DAB1: variants seen among roughly 807,000 people sequenced by gnomAD.
DAB1 encodes disabled homolog 1.
DAB1 carries 15 observed loss-of-function variants against 64.6 expected under a neutral mutation model. The observed-to-expected ratio is 0.23, with a 90% CI of 0.16 to 0.36. DAB1 has a LOEUF of 0.36. Ranked by LOEUF, DAB1 falls within the 10% of genes least tolerant of loss-of-function variation. The pLI is 1.00. For missense variants in DAB1, 596 were observed against 706.7 expected (o/e 0.84, Z 1.78); for synonymous variants, 235 against 251.9 (o/e 0.93, Z 0.64).
intron 4 of DAB1, among the ~76,000 whole-genome samples, chr1:57,121,699 A>T (rs1656683309): frequency 6.6e-6 from 1 of 152,010 alleles, no homozygotes; most frequent in South Asian, 2.1e-4. Flanking sequence ...TGGATTTTAC[A>T]TTTAAGTCTT....
upstream of DAB1, among the ~76,000 whole-genome samples, chr1:57,886,490 C>A (rs1342737869): frequency 2.0e-5 from 3 of 152,168 alleles, no homozygotes; most frequent in Admixed American, 6.5e-5. Context: ...ATCATCATAC[C>A]ACCAGCAGTT....
intron 7 of DAB1, among the ~76,000 whole-genome samples, chr1:57,448,662 G>A (rs1686238316): frequency 6.6e-6 from 1 of 152,110 alleles, no homozygotes; most frequent in South Asian, 2.1e-4. Flanking sequence ...AAGAAGTGGA[G>A]TAGGTCTATT....
chr1:57,768,694 G>A (rs1174584927), intron 6 of DAB1, among the ~76,000 whole-genome samples: 1 of 151,650 alleles, frequency 6.6e-6, no homozygotes, highest in Non-Finnish European at 1.5e-5. Flanking sequence ...ATTTTTTAAA[G>A]TTGCATATTG....
At chr1:57,997,263 A>C (rs1646439913) in intron 5 of DAB1, among the ~76,000 whole-genome samples, 1 of 152,166 alleles carries the variant, frequency 6.6e-6, no homozygotes, top group African/African-American at 2.4e-5. Flanking sequence ...GCACATGTAC[A>C]ATTTAAGTAA....
intron 4 of DAB1, among the ~76,000 whole-genome samples, chr1:58,327,818 G>A (rs149670889): frequency 2.6e-5 from 4 of 152,236 alleles, no homozygotes; most frequent in African/African-American, 9.6e-5. Context: ...AATTAGCCGG[G>A]CATGGTCACA....
At chr1:58,105,149 G>A (rs1011323599) in intron 5 of DAB1, among the ~76,000 whole-genome samples, 3 of 152,228 alleles carry the variant, frequency 2.0e-5, no homozygotes, top group African/African-American at 7.2e-5. Flanking sequence ...ATCAAGCCCT[G>A]CAAAAGATGG....
At chr1:57,508,124 C>A (rs1463789307) in intron 7 of DAB1, among the ~76,000 whole-genome samples, 1 of 152,212 alleles carries the variant, frequency 6.6e-6, no homozygotes, top group African/African-American at 2.4e-5. Context: ...TTACTGCCCT[C>A]CTCACATCCC....
At chr1:57,240,902 C>T (rs1397692344) in intron 2 of DAB1, among the ~76,000 whole-genome samples, 2 of 152,052 alleles carry the variant, frequency 1.3e-5, no homozygotes, top group South Asian at 4.1e-4. Context: ...TGGGAAGAGC[C>T]CTATTTAAGA....
At chr1:58,248,992 A>C (rs1290079965) in intron 4 of DAB1, among the ~76,000 whole-genome samples, 1 of 152,120 alleles carries the variant, frequency 6.6e-6, no homozygotes, top group African/African-American at 2.4e-5. Context: ...ATTGGAACTC[A>C]GCCTCCCAAA....
At chr1:57,416,937 G>C (rs1684535606) in intron 1 of DAB1, among the ~76,000 whole-genome samples, 2 of 152,090 alleles carry the variant, frequency 1.3e-5, no homozygotes, top group African/African-American at 4.8e-5. Flanking sequence ...TGACTAGCTA[G>C]ACAGTTTATA....
intron 3 of DAB1, among the ~76,000 whole-genome samples, chr1:58,417,315 C>T (rs1021824250): frequency 1.3e-5 from 2 of 152,230 alleles, no homozygotes; most frequent in African/African-American, 4.8e-5. Context: ...TGGGAAAGAA[C>T]CAGGGGCGGG....
chr1:58,215,210 G>T (rs1658780338), intron 4 of DAB1, among the ~76,000 whole-genome samples: 1 of 151,884 alleles, frequency 6.6e-6, no homozygotes, highest in South Asian at 2.1e-4. Flanking sequence ...AAATATTTTT[G>T]CAACTCTGGG....
chr1:57,298,592 G>A lies in DAB1; in HGVS notation c.-136-7426C>T, dbSNP rs143989837. Among the ~76,000 whole-genome samples, 112 of 152,082 alleles carry A rather than the reference G, an allele frequency of 7.4e-4. 2 individuals carry two copies. The highest frequency in any genetic ancestry group is 2.6e-3 in the African/African-American group (107 of 41,482). ...ATGGGAGACATATCTTAGCCTAACA[G>A]CTCATCTTCACGATGTGGCATTGTT... On this transcript the variant is annotated intron_variant, in intron 1 of 14. Transcript: ENST00000371236.
At chr1:57,538,302 T>C (rs1291864410) in intron 7 of DAB1, among the ~76,000 whole-genome samples, 1 of 152,186 alleles carries the variant, frequency 6.6e-6, no homozygotes, top group African/African-American at 2.4e-5. Context: ...GCAGCTAGCA[T>C]TCTTAGCTTC....
upstream of DAB1, among the ~76,000 whole-genome samples, chr1:57,428,858 A>AAAAC (rs1558369270): frequency 3.0e-5 from 4 of 135,252 alleles, no homozygotes; most frequent in Non-Finnish European, 4.6e-5. Flanking sequence ...AAAAAAAAAA[A>AAAAC]AACAGCAACC....
intron 7 of DAB1, among the ~76,000 whole-genome samples, chr1:57,526,227 C>T (rs565110910): frequency 5.3e-5 from 8 of 152,268 alleles, no homozygotes; most frequent in South Asian, 2.1e-4. Flanking sequence ...TGAGCCACTG[C>T]GCCCGGCCTT....
Position 57,395,330 on chromosome 1 carries a change from T to C in DAB1, c.-137+28600A>G, listed in dbSNP as rs116383721. ...TGTGAGCCACTGCTCCCAGCCCTAA[T>C]GTGTATGCTAAATCCTACAATATCA... On this transcript the variant is annotated intron_variant, in intron 1 of 14. Transcript: ENST00000371236. 9.0e-3 allele frequency among the ~76,000 whole-genome samples: 1,369 copies of C among 152,248 alleles called. 14 individuals are homozygous for C. Among genetic ancestry groups the C allele is most frequent in the African/African-American group, 0.031 (1,285 of 41,542 alleles).
At chr1:57,548,665 C>T (rs540803542) in intron 7 of DAB1, among the ~76,000 whole-genome samples, 1 of 152,322 alleles carries the variant, frequency 6.6e-6, no homozygotes, top group South Asian at 2.1e-4. Context: ...TCCTTTGCAA[C>T]TTAGCCTACC....
At chr1:58,482,012 T>C (rs959696563) in intron 3 of DAB1, among the ~76,000 whole-genome samples, 2 of 152,188 alleles carry the variant, frequency 1.3e-5, no homozygotes, top group Admixed American at 6.5e-5. Context: ...ATCAAAATCA[T>C]GACAATTTTT....
Sources: gnomAD v4.1 joint callset for allele counts (sites outside exome capture counted in the v4.1 genomes callset) on GRCh38, gnomAD v4.1.1 for gene constraint, MANE v1.5 for transcripts, NCBI Gene and HGNC (gene_info 2026-07-23, HGNC 2026-07-21) for gene names.